Variants in DYRK4 observed in about 807,000 individuals in gnomAD.
DYRK4 encodes the protein dual specificity tyrosine-phosphorylation-regulated kinase 4.
A neutral mutation model predicts 68.3 loss-of-function variants in DYRK4; 64 were observed. The ratio of observed to expected loss-of-function variants is 0.94; its 90% CI spans 0.77 to 1.15. DYRK4 has a LOEUF of 1.15. DYRK4 is among the 50% of genes most tolerant of loss of function. The probability of loss-of-function intolerance (pLI) is 0.00; values close to 1 mark genes in which losing one functional copy is unlikely to be tolerated. For synonymous variants in DYRK4, 274 were observed against 289.9 expected, an observed-to-expected ratio of 0.95 and a Z score of 0.56; for missense variants, 740 against 764.7, an observed-to-expected ratio of 0.97 and a Z score of 0.38.
chr12:4,605,531 A>G (rs1945134805), intron 11 of DYRK4, among the ~76,000 whole-genome samples: 1 of 152,066 alleles, frequency 6.6e-6, no homozygotes, highest in Admixed American at 6.5e-5. Context: ...TTCTAATTTA[A>G]TATACGTTTA....
intron 6 of DYRK4, among the ~76,000 whole-genome samples, chr12:4,594,177 G>A (rs780124806): frequency 9.9e-5 from 15 of 152,114 alleles, no homozygotes; most frequent in East Asian, 1.9e-4. Context: ...GACAACCTGC[G>A]CATACATAAA....
rs185407348 is a variant in DYRK4, at chr12:4,574,194, T to C, written c.132+6146T>C. 3.2e-3 allele frequency among the ~76,000 whole-genome samples: 459 copies of C among 142,346 alleles called. 7 individuals are homozygous for C. Among genetic ancestry groups the C allele is most frequent in the Admixed American group, 0.026 (357 of 13,686 alleles). 93.4% of individuals were successfully genotyped at this position (142,346 alleles called of 152,430 possible). ...GCGCCGAGATCGCGCCACTGCACCC[T>C]GGCCTGGGCGACAGAGCGAGACTCC... On this transcript the variant is annotated intron_variant, in intron 2 of 14. Coordinates refer to ENST00000543431, the MANE Select transcript of DYRK4 (RefSeq NM_001394779.1).
chr12:4,565,161 C>T (rs1255482488), intron 1 of DYRK4, among the ~76,000 whole-genome samples: 2 of 152,232 alleles, frequency 1.3e-5, no homozygotes, highest in Non-Finnish European at 2.9e-5. Context: ...TTCTTTTCCA[C>T]ATAGCTCACC....
chr12:4,592,346 G>A (rs549267192), intron 5 of DYRK4, among the ~76,000 whole-genome samples: 1 of 152,234 alleles, frequency 6.6e-6, no homozygotes, highest in African/African-American at 2.4e-5. Context: ...TAGTGCTTCA[G>A]CAGTTTGTCA....
chr12:4,569,388 G>T (rs1316234107), intron 2 of DYRK4, among the ~76,000 whole-genome samples: 1 of 152,176 alleles, frequency 6.6e-6, no homozygotes, highest in East Asian at 1.9e-4. Context: ...TATTGGTTAT[G>T]ATTTTATTTT....
chr12:4,593,180 G>A lies in DYRK4; in HGVS notation c.627+15G>A, dbSNP rs763341139. On this transcript the variant is annotated intron_variant, in intron 6 of 14. Transcript: ENST00000543431. ...TCTATCTGAAGGTGATGGGGGTGGGGGCCATGGGAACCTGCAGGGGCCCAG... is the reference window on the plus strand; with the variant it reads ...TCTATCTGAAGGTGATGGGGGTGGGAGCCATGGGAACCTGCAGGGGCCCAG... The A allele has an allele frequency of 2.5e-6, 4 of 1,612,122 alleles. No individual in the cohort carries two copies. The South Asian group carries it at 4.4e-5, about 18-fold the overall frequency.
chr12:4,605,429 G>GA (rs1362417996), intron 11 of DYRK4, among the ~76,000 whole-genome samples: 2 of 152,156 alleles, frequency 1.3e-5, no homozygotes, highest in Non-Finnish European at 2.9e-5. Context: ...GATAGTATGT[G>GA]AACAGGTTCT....
chr12:4,595,113 G>A (rs897856827), intron 6 of DYRK4, among the ~76,000 whole-genome samples: 1 of 152,172 alleles, frequency 6.6e-6, no homozygotes, highest in African/African-American at 2.4e-5. Flanking sequence ...AGCAACATGT[G>A]TGTGGATCCT....
rs138056766 is a variant in DYRK4, at chr12:4,583,893, T to C, written c.133-5044T>C. 6.7e-3 allele frequency among the ~76,000 whole-genome samples: 1,025 copies of C among 152,320 alleles called. 10 individuals are homozygous for C. Among genetic ancestry groups the C allele is most frequent in the African/African-American group, 0.023 (953 of 41,568 alleles). On this transcript the variant is annotated intron_variant, in intron 2 of 14. Coordinates refer to ENST00000543431, the MANE Select transcript of DYRK4 (RefSeq NM_001394779.1). ...GCTGGTCCCAGCTCACTTTACGTTCTTGTAATGATGGCATGGACACTGACA... is the reference window on the plus strand; with the variant it reads ...GCTGGTCCCAGCTCACTTTACGTTCCTGTAATGATGGCATGGACACTGACA...
intron 1 of DYRK4, among the ~76,000 whole-genome samples, chr12:4,566,278 G>A (rs1010203316): frequency 1.3e-5 from 2 of 152,122 alleles, no homozygotes; most frequent in South Asian, 4.1e-4. Context: ...AGCCACGCAG[G>A]CTCCAAGACT....
chr12:4,569,832 C>T (rs768341972), intron 2 of DYRK4, among the ~76,000 whole-genome samples: 8 of 151,976 alleles, frequency 5.3e-5, no homozygotes, highest in African/African-American at 7.3e-5. Context: ...AGGGTTGTTC[C>T]GTAAAGTTCC....
chr12:4,601,098 G>A (rs1415293078), intron 10 of DYRK4, among the ~76,000 whole-genome samples: 3 of 152,120 alleles, frequency 2.0e-5, no homozygotes, highest in Non-Finnish European at 4.4e-5. Flanking sequence ...AATTAAAAAG[G>A]TTTTAGGAGC....
intron 2 of DYRK4, among the ~76,000 whole-genome samples, chr12:4,574,516 A>G (rs529142668): frequency 5.0e-4 from 76 of 152,272 alleles, no homozygotes; most frequent in African/African-American, 1.8e-3. Flanking sequence ...GGCCGCTTTC[A>G]CTGGGATTGA....
chr12:4,603,835 T>A (rs1484587566), intron 10 of DYRK4, among the ~76,000 whole-genome samples: 1 of 152,268 alleles, frequency 6.6e-6, no homozygotes, highest in Non-Finnish European at 1.5e-5. Flanking sequence ...GCTGCCAAGA[T>A]GCTCGGAACT....
chr12:4,600,301 G>A (rs12580572), intron 10 of DYRK4, among the ~76,000 whole-genome samples: 2,663 of 151,998 alleles, frequency 0.018, 76 homozygotes, highest in South Asian at 0.11. Flanking sequence ...TATCAGGTTC[G>A]CTATAGAGAA....
chr12:4,596,575 C>T lies in DYRK4; in HGVS notation c.765-14C>T, dbSNP rs1218203018. On this transcript the variant is annotated splice_polypyrimidine_tract_variant and intron_variant, in intron 7 of 14. Transcript: ENST00000543431. ...CCCATTTCCCACCCTGCCGGCCACT[C>T]CCAATCACCTTAGGTTTCACCAGCA... 2.5e-6 allele frequency: 4 copies of T among 1,610,934 alleles called. No homozygotes were observed. Among genetic ancestry groups the T allele is most frequent in the East Asian group, 2.2e-5 (1 of 44,860 alleles).
chr12:4,612,404 C>A, intron 13 of DYRK4, 139 bp from the exon 14 acceptor site: 1 of 884,708 alleles, frequency 1.1e-6, no homozygotes, highest in South Asian at 2.1e-5. Context: ...AGTTATATGC[C>A]ATAATCTCTG....
In DYRK4 at chr12:4,596,559, C is replaced by T. The variant is rs754802365; in HGVS notation, c.765-30C>T. ...CACTGATGTTTCTATCCCCATTTCC[C>T]ACCCTGCCGGCCACTCCCAATCACC... On this transcript the variant is annotated intron_variant, in intron 7 of 14. Transcript: ENST00000543431. 5 of 1,605,384 alleles carry T rather than the reference C, an allele frequency of 3.1e-6. No individual in the cohort carries two copies. The African/African-American group carries it at 5.4e-5, about 17-fold the overall frequency.
intron 2 of DYRK4, among the ~76,000 whole-genome samples, chr12:4,584,553 T>A (rs1055967269): frequency 4.1e-5 from 2 of 49,258 alleles, no homozygotes; most frequent in Non-Finnish European, 1.0e-4. Context: ...CTAATCAGCC[T>A]TTTTTTTTTT....
Sources: allele counts gnomAD v4.1 joint callset (sites outside exome capture counted in the v4.1 genomes callset), GRCh38; gene constraint gnomAD v4.1.1; transcripts MANE v1.5; gene names NCBI Gene and HGNC (gene_info 2026-07-23, HGNC 2026-07-21).